Variants in TENM1 observed in about 807,000 individuals in gnomAD.
TENM1 encodes teneurin transmembrane protein 1.
TENM1 carries 35 observed loss-of-function variants against 174.8 expected under a neutral mutation model. The observed-to-expected ratio is 0.20, with a 90% confidence interval of 0.15 to 0.27. The LOEUF (loss-of-function observed/expected upper bound fraction) is 0.27. TENM1 is among the 10% of genes least tolerant of loss of function. The probability of loss-of-function intolerance (pLI) is 1.00; values close to 1 mark genes in which losing one functional copy is unlikely to be tolerated. For missense variants in TENM1, 1,633 were observed against 2,130.1 expected (o/e 0.77, Z 4.59); for synonymous variants, 781 against 798.7 (o/e 0.98, Z 0.37).
In TENM1 at chrX:124,382,594, A is replaced by G; in HGVS notation, c.7440+76T>C. The G allele has an allele frequency of 3.1e-6, 3 of 981,469 alleles. 1 individual carries two copies. The South Asian group carries it at 6.8e-5, about 22-fold the overall frequency. 80.9% of individuals were successfully genotyped at this position (981,469 alleles called of 1,213,427 possible). A position where few individuals can be genotyped will look rare whatever the true frequency, so the allele number is the denominator to read the frequency against. ...GACTAAAAAATCAGTAAGCAAACAT[A>G]TGTATATATAATTTCTGGGTATTGA... On this transcript the variant is annotated intron_variant, in intron 31 of 31. Transcript: ENST00000422452.
intron 11 of TENM1, among the ~76,000 whole-genome samples, chrX:124,610,303 T>G (rs2050251453): frequency 8.9e-6 from 1 of 112,320 alleles, no homozygotes; most frequent in South Asian, 3.7e-4. Flanking sequence ...AATTCTTCCA[T>G]GCAATACGTA....
intron 1 of TENM1, among the ~76,000 whole-genome samples, chrX:124,910,449 T>C (rs2057817578): frequency 8.9e-6 from 1 of 112,122 alleles, no homozygotes; most frequent in Admixed American, 9.4e-5. Flanking sequence ...ACATTAATGA[T>C]ATACAGGATA....
At chrX:124,683,297 C>T (rs760632335) in intron 5 of TENM1, among the ~76,000 whole-genome samples, 4 of 111,817 alleles carry the variant, frequency 3.6e-5, no homozygotes, top group Non-Finnish European at 7.5e-5. Context: ...AGTCTTGTTT[C>T]ACCCAACCAC....
chrX:125,070,473 G>A, the TENM1 span, among the ~76,000 whole-genome samples: 1 of 110,954 alleles, frequency 9.0e-6, no homozygotes, highest in East Asian at 2.9e-4. Context: ...CCATTCTGTA[G>A]GCTGTTTACT....
chrX:124,491,904 C>T (rs1256150178), intron 20 of TENM1, among the ~76,000 whole-genome samples: 1 of 111,417 alleles, frequency 9.0e-6, no homozygotes, highest in East Asian at 2.8e-4. Context: ...CCATTAGGGG[C>T]AAACTATATG....
intron 6 of TENM1, among the ~76,000 whole-genome samples, chrX:124,658,697 A>G (rs1181310848): frequency 1.8e-5 from 2 of 112,184 alleles, no homozygotes; most frequent in South Asian, 3.7e-4. Context: ...TAATCTTACA[A>G]TTGAGAAATA....
intron 6 of TENM1, among the ~76,000 whole-genome samples, chrX:124,662,455 G>GAAAA (rs1224806453): frequency 6.4e-5 from 2 of 31,050 alleles, no homozygotes; most frequent in African/African-American, 8.6e-5. Context: ...CTTCATCTCA[G>GAAAA]AAAAAAAAAA....
At chrX:124,601,793 G>A (rs1006520555) in intron 11 of TENM1, among the ~76,000 whole-genome samples, 2 of 110,290 alleles carry the variant, frequency 1.8e-5, no homozygotes, top group Non-Finnish European at 3.8e-5. Context: ...GGCTTTTCAG[G>A]AAGGACCAAT....
chrX:124,859,639 G>T (rs1338933372), intron 3 of TENM1, among the ~76,000 whole-genome samples: 1 of 110,832 alleles, frequency 9.0e-6, no homozygotes, highest in Non-Finnish European at 1.9e-5. Context: ...TAACATTTTA[G>T]GTTTTGCAAA....
chrX:124,594,937 G>A (rs375259638), intron 11 of TENM1, among the ~76,000 whole-genome samples: 4 of 111,966 alleles, frequency 3.6e-5, no homozygotes, highest in East Asian at 5.6e-4. Flanking sequence ...GTTCTCACAC[G>A]TTATAACCTC....
At chrX:124,450,603 T>C (rs1238452750) in intron 23 of TENM1, among the ~76,000 whole-genome samples, 3 of 111,948 alleles carry the variant, frequency 2.7e-5, no homozygotes, top group Non-Finnish European at 5.6e-5. Flanking sequence ...TTTTAGGTGG[T>C]ATGACAAATG....
intron 1 of TENM1, among the ~76,000 whole-genome samples, chrX:124,927,063 T>C (rs1196193645): frequency 1.8e-5 from 2 of 112,069 alleles, no homozygotes; most frequent in African/African-American, 6.5e-5. Flanking sequence ...TGGCATATTA[T>C]ACTTAAAAAT....
intron 6 of TENM1, among the ~76,000 whole-genome samples, chrX:124,663,714 C>T (rs1192844141): frequency 9.2e-6 from 1 of 109,261 alleles, no homozygotes; most frequent in South Asian, 4.0e-4. Flanking sequence ...ACAAGACAGA[C>T]CTATTTCTTA....
chrX:124,440,463 G>A (rs1379005471), intron 23 of TENM1, among the ~76,000 whole-genome samples: 1 of 111,575 alleles, frequency 9.0e-6, no homozygotes, highest in Non-Finnish European at 1.9e-5. Flanking sequence ...TATTTAATTA[G>A]CCTTCATAAG....
At chrX:124,689,381 C>T (rs1320584399) in intron 5 of TENM1, among the ~76,000 whole-genome samples, 1 of 111,786 alleles carries the variant, frequency 8.9e-6, no homozygotes, top group East Asian at 2.8e-4. Context: ...ACTCAAATGT[C>T]CAACAAATGG....
intron 23 of TENM1, among the ~76,000 whole-genome samples, chrX:124,435,290 T>C (rs1173564645): frequency 8.9e-6 from 1 of 111,835 alleles, no homozygotes; most frequent in Non-Finnish European, 1.9e-5. Flanking sequence ...AGGTTGTTAA[T>C]ATTATAGTAT....
intron 3 of TENM1, among the ~76,000 whole-genome samples, chrX:124,753,661 C>A (rs761663569): frequency 9.0e-6 from 1 of 110,792 alleles, no homozygotes; most frequent in African/African-American, 3.3e-5. Context: ...GAGATACGTC[C>A]CATTAATACC....
chrX:124,516,580 GGCCAATA>G (rs1218130752), intron 18 of TENM1, among the ~76,000 whole-genome samples: 1 of 111,707 alleles, frequency 9.0e-6, no homozygotes, highest in Non-Finnish European at 1.9e-5. Context: ...ACATATATGT[GGCCAATA>G]GCATATTTAA....
In TENM1 at chrX:124,378,066, C is replaced by T. The variant is rs764465655; in HGVS notation, c.*2470G>A. ...ATAATAGTTCAAGGCAGTATTAAAACCACAGCTGTAAGTAATAAAAAGTGC... is the reference window on the plus strand; with the variant it reads ...ATAATAGTTCAAGGCAGTATTAAAATCACAGCTGTAAGTAATAAAAAGTGC... On this transcript the variant is annotated 3_prime_UTR_variant, in exon 32 of 32. Transcript: ENST00000422452. The T allele has an allele frequency of 5.4e-5, 6 of 110,625 alleles. 1 individual carries two copies. The South Asian group carries it at 2.3e-3, about 43-fold the overall frequency. The allele number at this position is 110,625 out of a possible 1,213,427, so 9.1% of individuals were successfully genotyped here. A position where few individuals can be genotyped will look rare whatever the true frequency, so the allele number is the denominator to read the frequency against.
Sources: allele counts gnomAD v4.1 joint callset (sites outside exome capture counted in the v4.1 genomes callset), GRCh38; gene constraint gnomAD v4.1.1; transcripts MANE v1.5; gene names NCBI Gene and HGNC (gene_info 2026-07-23, HGNC 2026-07-21).